Variants in ITSN1 observed in about 807,000 individuals in gnomAD.
The protein encoded by ITSN1 is intersectin 1, also known as intersectin-1.
ITSN1 carries 58 observed loss-of-function variants against 239.8 expected under a neutral mutation model. That is an observed-to-expected ratio of 0.24 (90% CI 0.20 to 0.30). ITSN1 has a LOEUF of 0.30. Among genes scored for constraint, ITSN1 ranks in the 10% least tolerant of loss-of-function variants. ITSN1 has a pLI of 1.00. For synonymous variants in ITSN1, 780 were observed against 770.8 expected (o/e 1.01, Z -0.20); for missense variants, 1,558 against 2,103.3 (o/e 0.74, Z 5.07).
intron 18 of ITSN1, among the ~76,000 whole-genome samples, chr21:33,799,158 G>A (rs140146448): frequency 1.1e-4 from 17 of 152,160 alleles, no homozygotes; most frequent in African/African-American, 3.1e-4. Flanking sequence ...AATATCCTCC[G>A]CTCATGTGCA....
intron 1 of ITSN1, among the ~76,000 whole-genome samples, chr21:33,664,377 G>T (rs2089781592): frequency 6.6e-6 from 1 of 152,074 alleles, no homozygotes; most frequent in African/African-American, 2.4e-5. Context: ...TAGTAGGAGC[G>T]GGATGGGAAG....
At chr21:33,849,643 A>G (rs2148456604) in intron 29 of ITSN1, among the ~76,000 whole-genome samples, 1 of 152,278 alleles carries the variant, frequency 6.6e-6, no homozygotes, top group Admixed American at 6.5e-5. Flanking sequence ...TGTACATTTA[A>G]AAATAACTAA....
At chr21:33,841,012 G>T (rs2074804262) in intron 29 of ITSN1, among the ~76,000 whole-genome samples, 1 of 152,238 alleles carries the variant, frequency 6.6e-6, no homozygotes, top group Non-Finnish European at 1.5e-5. Context: ...GAGTTGGGGA[G>T]CCATGGTGGT....
chr21:33,708,473 C>T (rs1273259930), intron 1 of ITSN1, among the ~76,000 whole-genome samples: 3 of 151,866 alleles, frequency 2.0e-5, no homozygotes, highest in South Asian at 2.1e-4. Flanking sequence ...ACAGCAACTT[C>T]GCCTCCCAGG....
chr21:33,852,796 T>G (rs1978571119), intron 29 of ITSN1, among the ~76,000 whole-genome samples: 1 of 152,220 alleles, frequency 6.6e-6, no homozygotes, highest in South Asian at 2.1e-4. Flanking sequence ...GAAAACCATT[T>G]GATGTGTTTT....
chr21:33,886,876 A>T (rs1042885167), intron 39 of ITSN1, among the ~76,000 whole-genome samples: 1 of 152,210 alleles, frequency 6.6e-6, no homozygotes, highest in Non-Finnish European at 1.5e-5. Flanking sequence ...TTTGGGTGGC[A>T]TTTTTGTACC....
In ITSN1 at chr21:33,648,570, G is replaced by A. The variant is rs1392146932; in HGVS notation, c.-33+5857G>A. Among the ~76,000 whole-genome samples, 9 of 152,298 alleles carry A rather than the reference G, an allele frequency of 5.9e-5. 1 individual carries two copies. In the East Asian group the frequency reaches 1.3e-3, roughly 23 times the overall value. The stretch of plus-strand genomic sequence containing the variant: ...TAGCTCAGAAATTAGCTTTGGGACC[G>A]GTGCTGTGGGTCACTCCTGTAATCC... On this transcript the variant is annotated intron_variant, in intron 1 of 39. Coordinates refer to ENST00000381318, the MANE Select transcript of ITSN1 (RefSeq NM_003024.3).
Position 33,882,196 on chromosome 21 carries a change from C to A in ITSN1, c.4342-47C>A. ...CTGATGGAGCCCATGCTTTCAGATG[C>A]GGAGAAACAAAAATGCTACACTTTG... On this transcript the variant is annotated intron_variant, in intron 34 of 39. Transcript: ENST00000381318. The surrounding 1 kb of genome is among the most constrained non-coding windows in gnomAD (Gnocchi z 4.5). 1 of 1,541,430 alleles carries A rather than the reference C, an allele frequency of 6.5e-7. No homozygotes were observed. The highest frequency in any genetic ancestry group is 8.9e-7 in the Non-Finnish European group (1 of 1,122,862).
intron 16 of ITSN1, among the ~76,000 whole-genome samples, chr21:33,791,693 A>C (rs936093208): frequency 2.6e-5 from 4 of 152,208 alleles, no homozygotes; most frequent in Non-Finnish European, 5.9e-5. Flanking sequence ...AATGTGCGGT[A>C]TAATTCTTGG....
chr21:33,728,204 A>T (rs1228771097), intron 4 of ITSN1, among the ~76,000 whole-genome samples: 1 of 151,938 alleles, frequency 6.6e-6, no homozygotes, highest in Non-Finnish European at 1.5e-5. Flanking sequence ...ACCTCAGATG[A>T]TCCACCTGCC....
intron 29 of ITSN1, among the ~76,000 whole-genome samples, chr21:33,850,956 A>G (rs1313818686): frequency 2.0e-5 from 3 of 152,164 alleles, no homozygotes; most frequent in Non-Finnish European, 4.4e-5. Flanking sequence ...CCCAAGTAGC[A>G]TAGACCCTGC....
intron 27 of ITSN1, among the ~76,000 whole-genome samples, chr21:33,832,289 G>T (rs542845232): frequency 6.6e-6 from 1 of 152,120 alleles, no homozygotes; most frequent in South Asian, 2.1e-4. Context: ...CAGAAGCACC[G>T]TGTCCCTCCC....
At chr21:33,855,338 G>A (rs1446203395) in intron 29 of ITSN1, among the ~76,000 whole-genome samples, 1 of 152,232 alleles carries the variant, frequency 6.6e-6, no homozygotes, top group Non-Finnish European at 1.5e-5. Flanking sequence ...CCAGCCTGGG[G>A]ACCACGCTTT....
chr21:33,817,078 A>G (rs1338711857), intron 22 of ITSN1, among the ~76,000 whole-genome samples: 1 of 152,202 alleles, frequency 6.6e-6, no homozygotes, highest in Non-Finnish European at 1.5e-5. Context: ...ATTGGTTCTG[A>G]AGTAACTCTC....
chr21:33,804,670 A>T (rs2072268703), intron 20 of ITSN1, among the ~76,000 whole-genome samples: 2 of 152,176 alleles, frequency 1.3e-5, no homozygotes, highest in African/African-American at 4.8e-5. Flanking sequence ...GACATCCGTA[A>T]CATGTTAGTA....
intron 10 of ITSN1, 81 bp downstream of exon 10, chr21:33,766,093 C>G: frequency 6.9e-7 from 1 of 1,443,780 alleles, no homozygotes; most frequent in Admixed American, 1.8e-5. Context: ...ATGTGTCTTA[C>G]CTGATTTTCA....
intron 29 of ITSN1, among the ~76,000 whole-genome samples, chr21:33,848,778 C>T (rs2075064393): frequency 6.6e-6 from 1 of 152,208 alleles, no homozygotes; most frequent in Admixed American, 6.5e-5. Context: ...TCCACGCCCC[C>T]GACTCCAATT....
At chr21:33,691,720 A>T (rs2091556046) in intron 1 of ITSN1, among the ~76,000 whole-genome samples, 2 of 152,226 alleles carry the variant, frequency 1.3e-5, no homozygotes, top group Non-Finnish European at 2.9e-5. Context: ...CGACAGATTT[A>T]GTTCCTGGTG....
At position 33,887,604 on chromosome 21, in the gene ITSN1, T is replaced by TA. The variant is rs1362647987; in HGVS notation, c.5018-548_5018-547insA. Among the ~76,000 whole-genome samples the TA allele has an allele frequency of 9.2e-5, 14 of 151,874 alleles. No homozygotes were observed. In the East Asian group the frequency reaches 2.1e-3, roughly 23 times the overall value. ...TCTAATTCTTTTTTCTTTTTATTTT[T>TA]TTTATTTATTTATCTTTTTTCTTGT... On this transcript the variant is annotated intron_variant, in intron 39 of 39. Coordinates refer to ENST00000381318, the MANE Select transcript of ITSN1 (RefSeq NM_003024.3).
Sources: allele counts gnomAD v4.1 joint callset (sites outside exome capture counted in the v4.1 genomes callset), GRCh38; gene constraint gnomAD v4.1.1; non-coding constraint Gnocchi (gnomAD v3.1); transcripts MANE v1.5; gene names NCBI Gene and HGNC (gene_info 2026-07-23, HGNC 2026-07-21).